ATRNL1: variants seen among roughly 807,000 people sequenced by gnomAD.
ATRNL1 encodes the protein attractin-like protein 1.
Under a neutral mutation model 182.7 loss-of-function variants are expected in ATRNL1, and 95 were observed. That is an observed-to-expected ratio of 0.52 (90% CI 0.44 to 0.62). The LOEUF (loss-of-function observed/expected upper bound fraction) is 0.62. Among genes scored for constraint, ATRNL1 ranks in the 20% least tolerant of loss-of-function variants. The pLI is 0.00. For synonymous variants in ATRNL1, 576 were observed against 568.3 expected (o/e 1.01, Z -0.19); for missense variants, 1,471 against 1,679.5 (o/e 0.88, Z 2.17).
intron 21 of ATRNL1, among the ~76,000 whole-genome samples, chr10:115,441,223 T>C (rs868987538): frequency 2.0e-5 from 3 of 151,990 alleles, no homozygotes; most frequent in African/African-American, 7.2e-5. Context: ...AGCACACATA[T>C]ACATGTTTTA....
chr10:115,596,042 A>G (rs1481419628), intron 26 of ATRNL1, among the ~76,000 whole-genome samples: 4 of 152,152 alleles, frequency 2.6e-5, no homozygotes, highest in African/African-American at 9.7e-5. Flanking sequence ...GTTATTCGTA[A>G]AAGTTACATA....
At chr10:115,941,357 C>T (rs1404699050) in intron 28 of ATRNL1, among the ~76,000 whole-genome samples, 1 of 152,188 alleles carries the variant, frequency 6.6e-6, no homozygotes, top group East Asian at 1.9e-4. Context: ...AGAGACATTG[C>T]TTCAGTTAGG....
chr10:115,305,880 C>T (rs142090716), intron 17 of ATRNL1, among the ~76,000 whole-genome samples: 38 of 152,186 alleles, frequency 2.5e-4, no homozygotes, highest in African/African-American at 7.0e-4. Context: ...AGGCAATGCT[C>T]CACTTCTAGG....
intron 20 of ATRNL1, among the ~76,000 whole-genome samples, chr10:115,414,448 G>T (rs1312859018): frequency 6.6e-6 from 1 of 151,030 alleles, no homozygotes; most frequent in Non-Finnish European, 1.5e-5. Flanking sequence ...GGATTCACTT[G>T]AAGTTTATTA....
At chr10:115,701,308 G>A (rs1210441195) in intron 26 of ATRNL1, among the ~76,000 whole-genome samples, 1 of 150,726 alleles carries the variant, frequency 6.6e-6, no homozygotes, top group Non-Finnish European at 1.5e-5. Flanking sequence ...AGCAAAAGCA[G>A]TATTCAGAGG....
At chr10:115,375,773 AT>A (rs782096583) in intron 19 of ATRNL1, among the ~76,000 whole-genome samples, 35 of 152,058 alleles carry the variant, frequency 2.3e-4, no homozygotes, top group East Asian at 7.7e-4. Flanking sequence ...ATGTCAACTT[AT>A]TTTTTATATT....
rs530200000 is a variant in ATRNL1 at position 115,807,297 on chromosome 10, G to A, written c.3904-40580G>A. 6.6e-5 allele frequency among the ~76,000 whole-genome samples: 10 copies of A among 152,064 alleles called. No individual in the cohort carries two copies. In the South Asian group the frequency reaches 1.2e-3, roughly 19 times the overall value. ...CACCTGGCTAATTTTTGTAATTGTA[G>A]CAGAGACGGATCTTCATCATGTTGG... On this transcript the variant is annotated intron_variant, in intron 27 of 28. Transcript: ENST00000355044.
chr10:115,722,549 A>G (rs1364129222), intron 26 of ATRNL1, among the ~76,000 whole-genome samples: 1 of 152,144 alleles, frequency 6.6e-6, no homozygotes, highest in African/African-American at 2.4e-5. Context: ...TACTTGTATT[A>G]CTGTATGCTA....
At chr10:115,231,033 G>A (rs1487521204) in intron 9 of ATRNL1, among the ~76,000 whole-genome samples, 1 of 152,026 alleles carries the variant, frequency 6.6e-6, no homozygotes, top group Non-Finnish European at 1.5e-5. Flanking sequence ...TTTGGTGTCA[G>A]GAAGAATGGA....
At chr10:115,501,074 A>T (rs1849810625) in intron 24 of ATRNL1, among the ~76,000 whole-genome samples, 1 of 151,776 alleles carries the variant, frequency 6.6e-6, no homozygotes, top group Admixed American at 6.6e-5. Flanking sequence ...CTGAGATTAC[A>T]GGCACCCACC....
chr10:115,753,401 C>T (rs554372597), intron 27 of ATRNL1, among the ~76,000 whole-genome samples: 3 of 152,194 alleles, frequency 2.0e-5, no homozygotes, highest in Admixed American at 2.0e-4. Context: ...GTTCAACTAC[C>T]ACTTATGAGT....
intron 25 of ATRNL1, among the ~76,000 whole-genome samples, chr10:115,528,001 C>T (rs1565133331): frequency 1.8e-3 from 22 of 12,280 alleles, no homozygotes; most frequent in African/African-American, 8.6e-3. Context: ...TCCCTCCCTT[C>T]CTTCCTTCCT....
At chr10:115,325,148 AT>A (rs1400787285) in intron 18 of ATRNL1, among the ~76,000 whole-genome samples, 2 of 151,890 alleles carry the variant, frequency 1.3e-5, no homozygotes, top group African/African-American at 4.8e-5. Flanking sequence ...TTTTATTTTG[AT>A]TTTTTTCTGT....
At chr10:115,275,466 C>T (rs1306535396) in intron 13 of ATRNL1, among the ~76,000 whole-genome samples, 1 of 152,200 alleles carries the variant, frequency 6.6e-6, no homozygotes, top group East Asian at 1.9e-4. Flanking sequence ...ACTTCATGCT[C>T]AACTCACCAA....
In ATRNL1 at chr10:115,827,090, A is replaced by G. The variant is rs782624549; in HGVS notation, c.3904-20787A>G. On this transcript the variant is annotated intron_variant, in intron 27 of 28. Transcript: ENST00000355044. ...AGATTCCTTTGCAAAACTGGATGGGAGTGAACATCATGGCTGGCCGTCTTG... is the reference window on the plus strand; with the variant it reads ...AGATTCCTTTGCAAAACTGGATGGGGGTGAACATCATGGCTGGCCGTCTTG... Among the ~76,000 whole-genome samples the G allele has an allele frequency of 1.4e-4, 22 of 152,318 alleles. No homozygotes were observed. In the Middle Eastern group the frequency reaches 0.017, roughly 118 times the overall value.
intron 28 of ATRNL1, among the ~76,000 whole-genome samples, chr10:115,925,617 AG>A (rs2134576450): frequency 6.6e-6 from 1 of 152,276 alleles, no homozygotes; most frequent in African/African-American, 2.4e-5. Context: ...TTGCAATCCT[AG>A]TATCTGACGA....
At position 115,120,297 on chromosome 10, in the gene ATRNL1, GTATTT is replaced by G. The variant is rs782203285; in HGVS notation, c.377+34_377+38del. ...AGTATACAGTCTGAGTCAAATTAAT[GTATTT>G]TATTCTTAAATGATAAAGGTGATCA... is the stretch of plus-strand genomic sequence containing the variant. On this transcript the variant is annotated intron_variant, in intron 2 of 28. Coordinates refer to ENST00000355044, the MANE Select transcript of ATRNL1 (RefSeq NM_207303.4). 1.3e-4 allele frequency: 150 copies of G among 1,151,930 alleles called. 12 individuals are homozygous for G. The South Asian group carries it at 2.0e-3, about 16-fold the overall frequency. 71.4% of individuals were successfully genotyped at this position (1,151,930 alleles called of 1,614,324 possible).
chr10:115,686,086 ATTAT>A (rs1332311430), intron 26 of ATRNL1, among the ~76,000 whole-genome samples: 68 of 151,498 alleles, frequency 4.5e-4, no homozygotes, highest in Admixed American at 4.2e-3. Context: ...TAATTTATTA[ATTAT>A]TTATCCAATA....
chr10:115,203,886 C>T (rs574872347), intron 8 of ATRNL1, among the ~76,000 whole-genome samples: 75 of 151,380 alleles, frequency 5.0e-4, no homozygotes, highest in African/African-American at 1.7e-3. Context: ...AATGAGCCAC[C>T]GCACCTGGCC....
Sources: allele counts gnomAD v4.1 joint callset (sites outside exome capture counted in the v4.1 genomes callset), GRCh38; gene constraint gnomAD v4.1.1; transcripts MANE v1.5; gene names NCBI Gene and HGNC (gene_info 2026-07-23, HGNC 2026-07-21).